The following PRKCI variants were observed in gnomAD, a reference collection of about 807,000 sequenced individuals.
The protein encoded by PRKCI is protein kinase C iota type.
Under a neutral mutation model 84.0 loss-of-function variants are expected in PRKCI, and 43 were observed. That is an observed-to-expected ratio of 0.51 (90% CI 0.40 to 0.66). PRKCI has a LOEUF of 0.66. Among genes scored for constraint, PRKCI ranks in the 30% least tolerant of loss-of-function variants. The pLI is 0.00. For synonymous variants in PRKCI, 216 were observed against 234.4 expected (o/e 0.92, Z 0.72); for missense variants, 459 against 745.6 (o/e 0.62, Z 4.48).
At chr3:170,290,304 A>AT (rs200065305) in intron 12 of PRKCI, among the ~76,000 whole-genome samples, 24 of 149,338 alleles carry the variant, frequency 1.6e-4, no homozygotes, top group East Asian at 3.9e-4. Flanking sequence ...TTTATTGTTG[A>AT]TTTTTTTTTT....
chr3:170,273,757 G>C (rs1022843750), intron 7 of PRKCI, among the ~76,000 whole-genome samples: 4 of 151,278 alleles, frequency 2.6e-5, no homozygotes, highest in African/African-American at 4.9e-5. Flanking sequence ...GGAGGTTGCA[G>C]TGAGCCAAGA....
intron 16 of PRKCI, 94 bp from the exon 17 acceptor site, chr3:170,298,901 T>C: frequency 5.1e-6 from 4 of 780,918 alleles, no homozygotes; most frequent in Non-Finnish European, 4.4e-6. Flanking sequence ...AGGACTCACT[T>C]TAATAAGGTA....
intron 2 of PRKCI, among the ~76,000 whole-genome samples, chr3:170,238,597 T>C (rs1436620725): frequency 2.0e-5 from 3 of 148,622 alleles, no homozygotes; most frequent in Non-Finnish European, 4.5e-5. Flanking sequence ...TTCTTTTCTT[T>C]TTTTTTTTTT....
At chr3:170,253,101 T>A (rs1417921804) in intron 2 of PRKCI, among the ~76,000 whole-genome samples, 1 of 152,232 alleles carries the variant, frequency 6.6e-6, no homozygotes, top group Non-Finnish European at 1.5e-5. Context: ...GCTAGACACT[T>A]AAGTTGCTTC....
In PRKCI at chr3:170,259,976, G is replaced by A. The variant is rs753368807; in HGVS notation, c.231G>A (p.Pro77=). 7 of 1,610,440 alleles carry A rather than the reference G, an allele frequency of 4.3e-6. No homozygotes were observed. The highest frequency in any genetic ancestry group is 2.2e-5 in the East Asian group (1 of 44,696). ...TMKWIDEEGD[P]CTVSSQLELE... Reference sequence around the variant, plus strand: ...TACTTTTGTGTTTTTTAGGAGACCCGTGTACAGTATCATCTCAGTTGGAGT... The same window carrying A: ...TACTTTTGTGTTTTTTAGGAGACCCATGTACAGTATCATCTCAGTTGGAGT... Residue 77 remains proline (P), a synonymous_variant, in exon 3 of 18, where the codon CCG becomes CCA. Transcript: ENST00000295797.
intron 2 of PRKCI, among the ~76,000 whole-genome samples, chr3:170,256,881 A>AT (rs1403731813): frequency 6.7e-6 from 1 of 148,778 alleles, no homozygotes; most frequent in African/African-American, 2.5e-5. Flanking sequence ...TTCTATTTTC[A>AT]TTTTTTTCAA....
In PRKCI at chr3:170,222,498, T is replaced by TTCCGGCTGC. The variant is rs1732510820; in HGVS notation, c.-165_-157dup. On this transcript the variant is annotated 5_prime_UTR_variant, in exon 1 of 18. Transcript: ENST00000295797. ...ACGGGCAGTGGGAGGAGCCGCGCGG[T>TTCCGGCTGC]TCCGGCTGCTCCGGCGAGGCGACCC... 2 of 526,858 alleles carry TTCCGGCTGC rather than the reference T, an allele frequency of 3.8e-6. No individual in the cohort carries two copies. The highest frequency in any genetic ancestry group is 7.2e-5 in the South Asian group (2 of 27,610). 32.6% of individuals were successfully genotyped at this position (526,858 alleles called of 1,614,324 possible).
At chr3:170,280,431 A>G in intron 9 of PRKCI, 28 bp downstream of exon 9, 1 of 1,562,000 alleles carries the variant, frequency 6.4e-7, no homozygotes. Flanking sequence ...TATTGCTTCT[A>G]AACTGCTTGA....
Position 170,226,165 on chromosome 3 carries a change from G to A in PRKCI, c.101+3395G>A, listed in dbSNP as rs928710005. On this transcript the variant is annotated intron_variant, in intron 1 of 17. Coordinates refer to ENST00000295797, the MANE Select transcript of PRKCI (RefSeq NM_002740.6). ...TGACCTCAAGTGATCCACCCACCTC[G>A]GTCTCCCAAAGTGTTGGGATTACAG... 2.6e-5 allele frequency among the ~76,000 whole-genome samples: 4 copies of A among 152,042 alleles called. No homozygotes were observed. The East Asian group carries it at 7.7e-4, about 29-fold the overall frequency.
chr3:170,291,822 T>A (rs1734560746), intron 12 of PRKCI, 32 bp from the exon 13 acceptor site: 1 of 1,526,182 alleles, frequency 6.6e-7, no homozygotes, highest in Non-Finnish European at 9.1e-7. Flanking sequence ...ACTTTTTATC[T>A]CATTCTTTCT....
At position 170,260,438 on chromosome 3, in the gene PRKCI, T is replaced by A. The variant is rs148349343; in HGVS notation, c.313+380T>A. Among the ~76,000 whole-genome samples the A allele has an allele frequency of 4.1e-3, 620 of 152,300 alleles. 2 individuals carry two copies. The highest frequency in any genetic ancestry group is 0.014 in the Middle Eastern group (4 of 294). On this transcript the variant is annotated intron_variant, in intron 3 of 17. Coordinates refer to ENST00000295797, the MANE Select transcript of PRKCI (RefSeq NM_002740.6). ...GTATCTTAAATATCCTTTCTTTTGC[T>A]TAAAGGTTAATAGTGAAACTATTTA...
chr3:170,231,663 C>T (rs1254210166), intron 1 of PRKCI, among the ~76,000 whole-genome samples: 1 of 152,006 alleles, frequency 6.6e-6, no homozygotes, highest in East Asian at 1.9e-4. Context: ...TGGGGATTCG[C>T]CATGTTGGCC....
rs1448306996 is a variant in PRKCI at position 170,235,429 on chromosome 3, T to G, written c.223+78T>G. The G allele has an allele frequency of 4.0e-6, 6 of 1,483,546 alleles. No individual in the cohort carries two copies. In the African/African-American group the frequency reaches 8.4e-5, roughly 21 times the overall value. 91.9% of individuals were successfully genotyped at this position (1,483,546 alleles called of 1,614,324 possible). A position where few individuals can be genotyped will look rare whatever the true frequency, so the allele number is the denominator to read the frequency against. On this transcript the variant is annotated intron_variant, in intron 2 of 17. Transcript: ENST00000295797. ...TCATTTGTTGTAAAAATATAATGAG[T>G]CCTAAAAAGTTTAAGAGGAAAGACT...
At chr3:170,287,980 C>T (rs1290758786) in intron 12 of PRKCI, among the ~76,000 whole-genome samples, 1 of 150,710 alleles carries the variant, frequency 6.6e-6, no homozygotes, top group Non-Finnish European at 1.5e-5. Context: ...GGTGCGGTGG[C>T]TTGCACCTGT....
intron 8 of PRKCI, among the ~76,000 whole-genome samples, chr3:170,279,750 C>A (rs561235539): frequency 6.6e-6 from 1 of 152,294 alleles, no homozygotes; most frequent in Admixed American, 6.5e-5. Context: ...TATCAAGCTT[C>A]CAGCAGACTC....
At chr3:170,231,580 T>C (rs1400626405) in intron 1 of PRKCI, among the ~76,000 whole-genome samples, 1 of 152,132 alleles carries the variant, frequency 6.6e-6, no homozygotes, top group Admixed American at 6.6e-5. Context: ...TTCTCCTGCC[T>C]CAGCCTCCTG....
chr3:170,286,549 T>C (rs987389199), intron 12 of PRKCI, among the ~76,000 whole-genome samples: 1 of 147,314 alleles, frequency 6.8e-6, no homozygotes, highest in African/African-American at 2.5e-5. Flanking sequence ...AGCCTGTATG[T>C]ACAAGAGTTT....
At chr3:170,295,282 G>C (rs552469914) in intron 14 of PRKCI, among the ~76,000 whole-genome samples, 1 of 152,188 alleles carries the variant, frequency 6.6e-6, no homozygotes, top group South Asian at 2.1e-4. Context: ...CAGCACTTTG[G>C]GAGTCCAAGG....
intron 15 of PRKCI, among the ~76,000 whole-genome samples, 187 bp downstream of exon 15, chr3:170,296,177 C>T (rs1423596027): frequency 1.3e-5 from 2 of 152,150 alleles, no homozygotes; most frequent in Non-Finnish European, 2.9e-5. Context: ...AGTTAGTTGT[C>T]CTTTCCATTT....
Sources: gnomAD v4.1 joint callset for allele counts (sites outside exome capture counted in the v4.1 genomes callset) on GRCh38, gnomAD v4.1.1 for gene constraint, MANE v1.5 for transcripts, NCBI Gene and HGNC (gene_info 2026-07-23, HGNC 2026-07-21) for gene names.